The following SVEP1 variants were observed in gnomAD, a reference collection of about 807,000 sequenced individuals.
The protein encoded by SVEP1 is sushi, von Willebrand factor type A, EGF and pentraxin domain-containing protein 1.
Under a neutral mutation model 367.3 loss-of-function variants are expected in SVEP1, and 164 were observed. The ratio of observed to expected loss-of-function variants is 0.45; its 90% CI spans 0.39 to 0.51. The LOEUF is 0.51. Ranked by LOEUF, SVEP1 falls within the 20% of genes least tolerant of loss-of-function variation. The pLI is 0.00. For synonymous variants in SVEP1, 1,666 were observed against 1,611.6 expected, an observed-to-expected ratio of 1.03 and a Z score of -0.81; for missense variants, 4,117 against 4,425.3, an observed-to-expected ratio of 0.93 and a Z score of 1.98.
rs7852962 is a variant in SVEP1 at position 110,434,453 on chromosome 9, A to C, written c.4942T>G (p.Leu1648Val). The C allele has an allele frequency of 0.16, 258,989 of 1,612,796 alleles. 21,662 individuals carry two copies. Among genetic ancestry groups the C allele is most frequent in the African/African-American group, 0.27 (20,378 of 74,808 alleles). Residue 1648 changes from leucine (L) to valine (V), a missense_variant, in exon 30 of 48, where the codon TTA (leucine) becomes GTA (valine). By Grantham distance (32) the Leu-to-Val change is conservative. Coordinates refer to ENST00000374469, the MANE Select transcript of SVEP1 (RefSeq NM_153366.4). ...VPHLRTASED[L>V]KPGSKVNLFC... ...AGATTGACTTTGGAACCTGGCTTTA[A>C]ATCTTCAGATGCAGTTCTCAGATGA...
intron 23 of SVEP1, 103 bp from the exon 24 acceptor site, chr9:110,450,363 G>T: frequency 8.3e-7 from 1 of 1,201,684 alleles, no homozygotes; most frequent in Non-Finnish European, 1.2e-6. Flanking sequence ...TAGAGGATTG[G>T]AATGGAGGCT....
chr9:110,493,597 TG>T (rs911654401), intron 8 of SVEP1, among the ~76,000 whole-genome samples: 2 of 152,074 alleles, frequency 1.3e-5, no homozygotes, highest in African/African-American at 4.8e-5. Flanking sequence ...CTTGACATGG[TG>T]GCACTTGCCT....
intron 36 of SVEP1, among the ~76,000 whole-genome samples, 194 bp from the exon 37 acceptor site, chr9:110,411,929 T>A (rs894975505): frequency 3.3e-5 from 5 of 152,220 alleles, no homozygotes; most frequent in African/African-American, 1.2e-4. Context: ...GTGATATTGT[T>A]TGTTCAGAAA....
At chr9:110,524,678 A>G (rs1829919335) in intron 3 of SVEP1, among the ~76,000 whole-genome samples, 1 of 151,730 alleles carries the variant, frequency 6.6e-6, no homozygotes, top group Non-Finnish European at 1.5e-5. Flanking sequence ...CTCAATGAAG[A>G]GAAACCTCAA....
intron 47 of SVEP1, 23 bp from the exon 48 acceptor site, chr9:110,366,583 C>CCAAATAGATT: frequency 6.7e-7 from 1 of 1,482,910 alleles, no homozygotes; most frequent in African/African-American, 1.5e-5. Flanking sequence ...AAAAAAGCAA[C>CCAAATAGATT]CAAATAGATT....
intron 22 of SVEP1, among the ~76,000 whole-genome samples, chr9:110,452,862 A>AG (rs5899898): frequency 0.81 from 123,736 of 152,178 alleles, 50,561 homozygotes; most frequent in East Asian, 0.99. Flanking sequence ...AGGATTTTCA[A>AG]GGCAACTTTG....
At chr9:110,513,208 A>G (rs1829750974) in intron 4 of SVEP1, 103 bp from the exon 5 acceptor site, 1 of 1,082,604 alleles carries the variant, frequency 9.2e-7, no homozygotes, top group African/African-American at 1.6e-5. Flanking sequence ...ATATGTGTCA[A>G]TTGCCTACAG....
At chr9:110,434,678 A>AAAAAAAAAAAAAAAAAAAAAAAAAAAAC (rs1828406261) in intron 29 of SVEP1, among the ~76,000 whole-genome samples, 172 bp from the exon 30 acceptor site, 1 of 150,006 alleles carries the variant, frequency 6.7e-6, no homozygotes, top group Non-Finnish European at 1.5e-5. Flanking sequence ...AAAAAAAAAA[A>AAAAAAAAAAAAAAAAAAAAAAAAAAAAC]AAAAAAAAGC....
chr9:110,455,835 T>C, intron 21 of SVEP1, 132 bp from the exon 22 acceptor site: 2 of 545,360 alleles, frequency 3.7e-6, no homozygotes, highest in East Asian at 3.0e-5. Flanking sequence ...TAATATTCAT[T>C]AAGTGCTACC....
rs570438152 is a variant in SVEP1, at chr9:110,368,731, G to T, written c.10694+1192C>A. Among the ~76,000 whole-genome samples, 11 of 151,904 alleles carry T rather than the reference G, an allele frequency of 7.2e-5. No individual in the cohort carries two copies. In the South Asian group the frequency reaches 2.3e-3, roughly 32 times the overall value. ...CTCTCATTTTCTTAAATTCAGCTCT[G>T]CTCTCAGGTAAAGGTATAATCTTGG... On this transcript the variant is annotated intron_variant, in intron 47 of 47. Transcript: ENST00000374469.
intron 5 of SVEP1, among the ~76,000 whole-genome samples, chr9:110,506,922 G>T (rs1258192029): frequency 6.6e-6 from 1 of 152,084 alleles, no homozygotes; most frequent in Non-Finnish European, 1.5e-5. Flanking sequence ...AGTAGGGGTA[G>T]GGGAAAGAAT....
chr9:110,406,413 A>G lies in SVEP1; in HGVS notation c.9187T>C (p.Ser3063Pro), dbSNP rs1488256851. The change falls in exon 38 of 48, where the codon TCT becomes CCT. Residue 3063 changes from serine to proline, a missense_variant. Around this residue, in one of 4 missense-constraint regions of SVEP1, gnomAD observed 1,765 missense variants for 1,781.1 expected, o/e 0.99. Coordinates refer to ENST00000374469, the MANE Select transcript of SVEP1 (RefSeq NM_153366.4). Reference protein sequence around the residue: ...SSGFPHCEHTSCGSLPMIPNA... With the variant: ...SSGFPHCEHTPCGSLPMIPNA... ...GGTATCATTGGAAGAGAACCACAAG[A>G]AGTGTGTTCACAGTGGGGGAACCCA... The G allele has an allele frequency of 3.1e-6, 5 of 1,614,042 alleles. No homozygotes were observed. The South Asian group carries it at 5.5e-5, about 18-fold the overall frequency.
intron 9 of SVEP1, among the ~76,000 whole-genome samples, chr9:110,486,412 A>G (rs956663324): frequency 3.4e-4 from 51 of 152,202 alleles, no homozygotes; most frequent in African/African-American, 1.2e-3. Context: ...AAAGCAAGTG[A>G]GGCAATACTC....
rs1829970583 is a variant in SVEP1, at chr9:110,528,186, A to ATATATATATATATT, written c.965-14081_965-14080insAATATATATATATA. Reference sequence around the variant, plus strand: ...TATATATATATATATATATATATATATGCCACATTTTCTTTAGCCACTCAT... The same window carrying ATATATATATATATT: ...TATATATATATATATATATATATATATATATATATATATTTGCCACATTTTCTTTAGCCACTCAT... On this transcript the variant is annotated intron_variant, in intron 3 of 47. Transcript: ENST00000374469. 2.1e-5 allele frequency among the ~76,000 whole-genome samples: 3 copies of ATATATATATATATT among 139,636 alleles called. No homozygotes were observed. The South Asian group carries it at 6.7e-4, about 31-fold the overall frequency. 91.6% of individuals were successfully genotyped at this position (139,636 alleles called of 152,430 possible).
intron 16 of SVEP1, among the ~76,000 whole-genome samples, 200 bp downstream of exon 16, chr9:110,471,164 G>C (rs1254852836): frequency 2.0e-5 from 3 of 152,136 alleles, no homozygotes. Flanking sequence ...TCAGATTTGA[G>C]TCCCTCCCTG....
chr9:110,377,367 C>T lies in SVEP1; in HGVS notation c.10409-1G>A, dbSNP rs747903516. 1 of 1,613,472 alleles carries T rather than the reference C, an allele frequency of 6.2e-7. No homozygotes were observed. Among genetic ancestry groups the T allele is most frequent in the Non-Finnish European group, 8.5e-7 (1 of 1,179,550 alleles). Reference sequence around the variant, plus strand: ...TTCTGACATGGAAATCGACAGACAGCTGGAAAAGAAGCAGGATGGGTCACA... The same window carrying T: ...TTCTGACATGGAAATCGACAGACAGTTGGAAAAGAAGCAGGATGGGTCACA... On this transcript the variant is annotated splice_acceptor_variant, in intron 44 of 47. Coordinates refer to ENST00000374469, the MANE Select transcript of SVEP1 (RefSeq NM_153366.4). LOFTEE classifies it high-confidence loss of function.
chr9:110,579,455 A>C lies in SVEP1; in HGVS notation c.89T>G (p.Phe30Cys). Residue 30 changes from phenylalanine to cysteine, a missense_variant, in exon 1 of 48, where the codon TTC (phenylalanine) becomes TGC (cysteine). Coordinates refer to ENST00000374469, the MANE Select transcript of SVEP1 (RefSeq NM_153366.4). This position sits in a 1 kb window ranked among gnomAD's most constrained non-coding sequence, Gnocchi z 5.3. The part of the protein sequence containing the change: ...TFQQMSPSRN[F>C]SFRLFPETAP... ...GGTCTCGGGGAAGAGGCGGAAGCTG[A>C]AATTGCGCGACGGGGACATCTGCTG... is the stretch of plus-strand genomic sequence containing the variant. 1 of 1,600,244 alleles carries C rather than the reference A, an allele frequency of 6.2e-7. No homozygotes were observed. Among genetic ancestry groups the C allele is most frequent in the Non-Finnish European group, 8.5e-7 (1 of 1,174,440 alleles).
rs751839094 is a variant in SVEP1, at chr9:110,471,516, A to C, written c.2846T>G (p.Ile949Ser). Residue 949 changes from isoleucine to serine, a missense_variant, in exon 16 of 48, where the codon ATC (isoleucine) becomes AGC (serine). Ile to Ser is a moderately radical substitution (Grantham distance 142). Around this residue, in one of 4 missense-constraint regions of SVEP1, gnomAD observed 2,174 missense variants for 2,494.3 expected, o/e 0.87. Coordinates refer to ENST00000374469, the MANE Select transcript of SVEP1 (RefSeq NM_153366.4). ...GAGAGTCCTTTTCAGTTTATTTGTG[A>C]TAGTTTCCAATGTCTGAAGGAGTCG... is the stretch of plus-strand genomic sequence containing the variant. Reference protein sequence around the residue: ...QQRLLQTLETITNKLKRTLNK... With the variant: ...QQRLLQTLETSTNKLKRTLNK... 3 of 1,613,962 alleles carry C rather than the reference A, an allele frequency of 1.9e-6. No individual in the cohort carries two copies. The highest frequency in any genetic ancestry group is 2.5e-6 in the Non-Finnish European group (3 of 1,179,874).
At position 110,489,790 on chromosome 9, in the gene SVEP1, T is replaced by C. The variant is rs760710687; in HGVS notation, c.1801-11A>G. ...AACGTGGACTGACACCTATTGGAGA[T>C]ACACAAATATTTTGAAAGTTAATGT... is the stretch of plus-strand genomic sequence containing the variant. On this transcript the variant is annotated splice_polypyrimidine_tract_variant and intron_variant, in intron 8 of 47. Coordinates refer to ENST00000374469, the MANE Select transcript of SVEP1 (RefSeq NM_153366.4). 7.5e-6 allele frequency: 12 copies of C among 1,596,972 alleles called. No individual in the cohort carries two copies. The highest frequency in any genetic ancestry group is 1.0e-5 in the Non-Finnish European group (12 of 1,172,676).
Sources: allele counts gnomAD v4.1 joint callset (sites outside exome capture counted in the v4.1 genomes callset), GRCh38; gene constraint gnomAD v4.1.1; regional missense constraint gnomAD v4.1.1; non-coding constraint Gnocchi (gnomAD v3.1); transcripts MANE v1.5; gene names NCBI Gene and HGNC (gene_info 2026-07-23, HGNC 2026-07-21).